Variants in TTC17 observed in about 807,000 individuals in gnomAD.
TTC17 encodes tetratricopeptide repeat domain 17.
In TTC17, 58 loss-of-function variants were observed where a neutral mutation model predicts 143.8. The observed-to-expected ratio is 0.40, with a 90% CI of 0.33 to 0.50. The LOEUF (loss-of-function observed/expected upper bound fraction) is 0.50. Ranked by LOEUF, TTC17 falls within the 20% of genes least tolerant of loss-of-function variation. The probability of loss-of-function intolerance (pLI) is 0.49; values close to 1 mark genes in which losing one functional copy is unlikely to be tolerated. For missense variants in TTC17, 1,273 were observed against 1,392.5 expected (o/e 0.91, Z 1.37); for synonymous variants, 501 against 497.8 (o/e 1.01, Z -0.09).
At chr11:43,416,376 C>T (rs575100505) in intron 16 of TTC17, among the ~76,000 whole-genome samples, 1 of 152,266 alleles carries the variant, frequency 6.6e-6, no homozygotes, top group South Asian at 2.1e-4. Context: ...CATTTTGTCA[C>T]TGTATACATG....
chr11:43,397,922 GT>G (rs2134555761), intron 7 of TTC17, 51 bp from the exon 8 acceptor site: 1 of 1,014,156 alleles, frequency 9.9e-7, no homozygotes, highest in Non-Finnish European at 1.4e-6. Flanking sequence ...GTGTGTGTGT[GT>G]GTGTGTGTGT....
chr11:43,402,090 A>G (rs1857888966), intron 10 of TTC17, among the ~76,000 whole-genome samples: 1 of 152,174 alleles, frequency 6.6e-6, no homozygotes, highest in African/African-American at 2.4e-5. Flanking sequence ...GTCAGATTTT[A>G]TAGGGAGTAC....
chr11:43,366,194 A>G (rs1328215594), intron 1 of TTC17, among the ~76,000 whole-genome samples: 1 of 152,002 alleles, frequency 6.6e-6, no homozygotes, highest in African/African-American at 2.4e-5. Context: ...TGTTTTACTA[A>G]TTATATTTTA....
chr11:43,419,810 C>T (rs1946859275), intron 16 of TTC17, among the ~76,000 whole-genome samples: 1 of 152,142 alleles, frequency 6.6e-6, no homozygotes, highest in Non-Finnish European at 1.5e-5. Context: ...CCCATCTCAG[C>T]CTCCCAAACA....
intron 2 of TTC17, among the ~76,000 whole-genome samples, chr11:43,388,747 G>T (rs1471512136): frequency 6.6e-6 from 1 of 151,440 alleles, no homozygotes; most frequent in Non-Finnish European, 1.5e-5. Flanking sequence ...GCCAAGGCAG[G>T]TGGATTGCTT....
chr11:43,493,230 A>C (rs908082725), intron 23 of TTC17, among the ~76,000 whole-genome samples: 9 of 152,186 alleles, frequency 5.9e-5, no homozygotes, highest in African/African-American at 2.2e-4. Flanking sequence ...TCATTTCCCA[A>C]TCTTTGTTGG....
chr11:43,462,089 TAAA>T (rs35082706), intron 21 of TTC17, among the ~76,000 whole-genome samples: 2 of 124,822 alleles, frequency 1.6e-5, no homozygotes, highest in Admixed American at 7.9e-5. Context: ...TAGGCTAGAT[TAAA>T]AAAAAAAAAA....
intron 5 of TTC17, chr11:43,395,444 T>G (rs1201074308): frequency 6.6e-6 from 1 of 152,194 alleles, no homozygotes; most frequent in African/African-American, 2.4e-5. Flanking sequence ...GTTTACATTA[T>G]AATGTGAAAA....
intron 21 of TTC17, among the ~76,000 whole-genome samples, chr11:43,457,755 A>G (rs1947790555): frequency 6.6e-6 from 1 of 152,172 alleles, no homozygotes; most frequent in African/African-American, 2.4e-5. Flanking sequence ...AAAAATATAC[A>G]GACAGAACCA....
At chr11:43,454,657 A>G (rs1245925720) in intron 21 of TTC17, among the ~76,000 whole-genome samples, 4 of 152,134 alleles carry the variant, frequency 2.6e-5, no homozygotes, top group African/African-American at 7.2e-5. Context: ...GCAAATGCAA[A>G]TAAGAGAGCA....
Position 43,404,060 on chromosome 11 carries a change from G to C in TTC17, c.1395G>C (p.Gln465His). 1 of 1,613,052 alleles carries C rather than the reference G, an allele frequency of 6.2e-7. No individual in the cohort carries two copies. Among genetic ancestry groups the C allele is most frequent in the Non-Finnish European group, 8.5e-7 (1 of 1,179,380 alleles). ...MSVNFDVQSN[Q>H]SDINDSVKSS... The stretch of plus-strand genomic sequence containing the variant: ...TGAACTTTGATGTTCAATCAAATCA[G>C]AGTGATATCAATGATTCGGTCAAGT... The change falls in exon 11 of 24, where the codon CAG (glutamine) becomes CAC (histidine). Residue 465 changes from glutamine to histidine, a missense_variant. By Grantham distance (24) the Gln-to-His change is conservative (BLOSUM62 0). Transcript: ENST00000039989.
At chr11:43,442,608 C>G (rs1434228500) in intron 16 of TTC17, among the ~76,000 whole-genome samples, 4 of 152,092 alleles carry the variant, frequency 2.6e-5, no homozygotes, top group Non-Finnish European at 5.9e-5. Context: ...GTTATTCAAG[C>G]TTAGAGGAGA....
intron 16 of TTC17, among the ~76,000 whole-genome samples, chr11:43,428,734 C>T (rs1947085663): frequency 1.3e-5 from 2 of 152,330 alleles, no homozygotes; most frequent in South Asian, 4.1e-4. Flanking sequence ...CAGAGTATTT[C>T]CCAGGACAGA....
intron 15 of TTC17, among the ~76,000 whole-genome samples, chr11:43,409,551 T>C (rs1331672678): frequency 6.6e-6 from 1 of 152,232 alleles, no homozygotes; most frequent in East Asian, 1.9e-4. Flanking sequence ...TTACATGTAG[T>C]AACTAATTTA....
intron 16 of TTC17, among the ~76,000 whole-genome samples, chr11:43,432,165 A>T (rs1356964394): frequency 2.6e-5 from 4 of 152,228 alleles, no homozygotes; most frequent in African/African-American, 9.6e-5. Flanking sequence ...GAGAACTTAG[A>T]ATACTTTGAA....
chr11:43,480,220 GA>G (rs1948260780), intron 21 of TTC17, among the ~76,000 whole-genome samples: 1 of 152,170 alleles, frequency 6.6e-6, no homozygotes, highest in Admixed American at 6.5e-5. Flanking sequence ...ATGGTTAGTA[GA>G]AGCTTACTAT....
intron 20 of TTC17, 136 bp downstream of exon 20, chr11:43,450,377 G>C: frequency 9.6e-7 from 1 of 1,037,608 alleles, no homozygotes. Flanking sequence ...CACCTAGGTG[G>C]GTTTGGGCCA....
intron 16 of TTC17, among the ~76,000 whole-genome samples, chr11:43,422,754 G>A (rs1265390667): frequency 6.6e-6 from 1 of 152,124 alleles, no homozygotes; most frequent in Non-Finnish European, 1.5e-5. Context: ...GGAGATTGTT[G>A]GTAATCTTGT....
chr11:43,393,414 A>G (rs1303633144), intron 5 of TTC17, among the ~76,000 whole-genome samples: 1 of 151,728 alleles, frequency 6.6e-6, no homozygotes, highest in Non-Finnish European at 1.5e-5. Context: ...GCCAGGGAAT[A>G]GGGGGAAGGG....
Sources: allele counts gnomAD v4.1 joint callset (sites outside exome capture counted in the v4.1 genomes callset), GRCh38; gene constraint gnomAD v4.1.1; transcripts MANE v1.5; gene names NCBI Gene and HGNC (gene_info 2026-07-23, HGNC 2026-07-21).